PRKAR1A: variants seen among roughly 807,000 people sequenced by gnomAD.
PRKAR1A encodes protein kinase cAMP-dependent type I regulatory subunit alpha, also known as cAMP-dependent protein kinase type I-alpha regulatory subunit.
PRKAR1A carries 3 observed loss-of-function variants against 52.0 expected under a neutral mutation model. The ratio of observed to expected loss-of-function variants is 0.06; its 90% CI spans 0.03 to 0.15. PRKAR1A has a LOEUF of 0.15. Ranked by LOEUF, PRKAR1A falls within the 10% of genes least tolerant of loss-of-function variation. The probability of loss-of-function intolerance (pLI) is 1.00; values close to 1 mark genes in which losing one functional copy is unlikely to be tolerated. For missense variants in PRKAR1A, 240 were observed against 477.4 expected, an observed-to-expected ratio of 0.50 and a Z score of 4.63; for synonymous variants, 188 against 168.4, an observed-to-expected ratio of 1.12 and a Z score of -0.90.
chr17:68,535,582 G>C (rs2086075404), downstream of PRKAR1A: 1 of 453,962 alleles, frequency 2.2e-6, no homozygotes, highest in Admixed American at 2.4e-5. Context: ...GAATGAAGTG[G>C]GGAGCCCTAT....
chr17:68,494,078 A>G, the PRKAR1A span, among the ~76,000 whole-genome samples: 1 of 152,198 alleles, frequency 6.6e-6, no homozygotes, highest in Non-Finnish European at 1.5e-5. Context: ...GTATTTTTCT[A>G]TATTGAAAAT....
chr17:68,475,630 A>AT, the PRKAR1A span, among the ~76,000 whole-genome samples: 1 of 151,918 alleles, frequency 6.6e-6, no homozygotes, highest in African/African-American at 2.4e-5. Context: ...CGCCTGGCTA[A>AT]TTTTTGTATT....
chr17:68,474,903 A>G, the PRKAR1A span, among the ~76,000 whole-genome samples: 1 of 152,156 alleles, frequency 6.6e-6, no homozygotes, highest in Non-Finnish European at 1.5e-5. Context: ...AGATAAATAA[A>G]TCACAATCAA....
At position 68,531,677 on chromosome 17, in the gene PRKAR1A, C is replaced by G; in HGVS notation, c.*1228C>G. The G allele has an allele frequency of 9.4e-7, 1 of 1,065,642 alleles. No homozygotes were observed. The highest frequency in any genetic ancestry group is 1.1e-6 in the Non-Finnish European group (1 of 879,030). 66.0% of individuals were successfully genotyped at this position (1,065,642 alleles called of 1,614,324 possible). On this transcript the variant is annotated 3_prime_UTR_variant, in exon 11 of 11. Coordinates refer to ENST00000589228, the MANE Select transcript of PRKAR1A (RefSeq NM_002734.5). ...CTATCCTGCTGAAAGTCCTGCTTTC[C>G]TATCTAGCATTTATTTCTCTGGCAA...
intron 9 of PRKAR1A, among the ~76,000 whole-genome samples, chr17:68,529,559 C>G (rs55927001): frequency 6.6e-6 from 1 of 152,128 alleles, no homozygotes; most frequent in Admixed American, 6.5e-5. Flanking sequence ...GGGTTTCATT[C>G]GCAAAGTCTC....
downstream of PRKAR1A, chr17:68,535,350 A>C: frequency 2.2e-6 from 1 of 454,162 alleles, no homozygotes; most frequent in Non-Finnish European, 4.4e-6. Context: ...AGAGTGCAGC[A>C]AAATGTGTAT....
At chr17:68,501,305 C>A in the PRKAR1A span, among the ~76,000 whole-genome samples, 1 of 152,218 alleles carries the variant, frequency 6.6e-6, no homozygotes, top group Non-Finnish European at 1.5e-5. Flanking sequence ...CCCTTCCTCC[C>A]TTTAACCTCT....
At chr17:68,451,874 G>A in the PRKAR1A span, among the ~76,000 whole-genome samples, 3 of 152,168 alleles carry the variant, frequency 2.0e-5, no homozygotes, top group African/African-American at 7.2e-5. Context: ...GTATCTTTCT[G>A]AGCACATTCT....
chr17:68,493,318 A>G, the PRKAR1A span, among the ~76,000 whole-genome samples: 147 of 152,304 alleles, frequency 9.7e-4, no homozygotes, highest in African/African-American at 3.4e-3. Context: ...AAAGCTTTAG[A>G]GCAGGAACAA....
intron 11 of PRKAR1A, among the ~76,000 whole-genome samples, chr17:68,549,195 A>G (rs1012542364): frequency 2.6e-5 from 4 of 152,156 alleles, no homozygotes; most frequent in Non-Finnish European, 4.4e-5. Flanking sequence ...TTCCAGTTTT[A>G]AAAAATGAAA....
the PRKAR1A span, among the ~76,000 whole-genome samples, chr17:68,446,386 G>A: frequency 3.9e-5 from 6 of 152,114 alleles, no homozygotes; most frequent in African/African-American, 9.6e-5. Flanking sequence ...GTTTCACTAT[G>A]TTGTCCAGGT....
In PRKAR1A at chr17:68,524,901, C is replaced by T. The variant is rs771426351; in HGVS notation, c.503-11C>T. The T allele has an allele frequency of 6.2e-7, 1 of 1,600,208 alleles. No individual in the cohort carries two copies. Among genetic ancestry groups the T allele is most frequent in the South Asian group, 1.1e-5 (1 of 90,738 alleles). ...TTGGAATATGCTTCTAACTTTTTTA[C>T]CCTCTTTTAGGTGATGAAGGGGATA... On this transcript the variant is annotated splice_polypyrimidine_tract_variant and intron_variant, in intron 5 of 10. Transcript: ENST00000589228.
At chr17:68,546,747 G>A (rs531534531) in intron 11 of PRKAR1A, among the ~76,000 whole-genome samples, 5 of 150,994 alleles carry the variant, frequency 3.3e-5, no homozygotes, top group Non-Finnish European at 4.4e-5. Flanking sequence ...GGAGAATGGC[G>A]TGAACCCGGG....
the PRKAR1A span, among the ~76,000 whole-genome samples, chr17:68,458,089 C>T: frequency 6.6e-6 from 1 of 152,138 alleles, no homozygotes; most frequent in Non-Finnish European, 1.5e-5. Flanking sequence ...TTTGTCGAGT[C>T]CTCAAGCCGC....
chr17:68,508,728 A>G (rs1237863828), upstream of PRKAR1A, among the ~76,000 whole-genome samples: 1 of 152,210 alleles, frequency 6.6e-6, no homozygotes, highest in Admixed American at 6.5e-5. Flanking sequence ...TTTTAGATTA[A>G]GATATTTTTA....
At chr17:68,436,908 C>T in the PRKAR1A span, among the ~76,000 whole-genome samples, 4 of 151,740 alleles carry the variant, frequency 2.6e-5, no homozygotes, top group African/African-American at 9.7e-5. Flanking sequence ...GCAGGAGAAT[C>T]GCTTGAACCC....
the PRKAR1A span, among the ~76,000 whole-genome samples, chr17:68,466,241 T>C: frequency 1.3e-5 from 2 of 152,142 alleles, no homozygotes; most frequent in African/African-American, 4.8e-5. Context: ...GGACCTGCCC[T>C]TTTAGGCTTT....
Position 68,531,483 on chromosome 17 carries a change from G to A in PRKAR1A, c.*1034G>A, listed in dbSNP as rs555727186. 40 of 1,066,310 alleles carry A rather than the reference G, an allele frequency of 3.8e-5. No homozygotes were observed. The African/African-American group carries it at 6.2e-4, about 17-fold the overall frequency. The allele number at this position is 1,066,310 out of a possible 1,614,324, so 66.1% of individuals were successfully genotyped here. ...AAGGGAGAAATGCCAGGCGGACAAA[G>A]TTCAGTGTCGGGAATTTTCCCCGTG... On this transcript the variant is annotated 3_prime_UTR_variant, in exon 11 of 11. Coordinates refer to ENST00000589228, the MANE Select transcript of PRKAR1A (RefSeq NM_002734.5).
intron 11 of PRKAR1A, among the ~76,000 whole-genome samples, chr17:68,538,594 T>G (rs2086163897): frequency 6.6e-6 from 1 of 152,254 alleles, no homozygotes. Context: ...AGCAAGGGCC[T>G]TCGTGCCTTC....
Sources: gnomAD v4.1 joint callset for allele counts (sites outside exome capture counted in the v4.1 genomes callset) on GRCh38, gnomAD v4.1.1 for gene constraint, MANE v1.5 for transcripts, NCBI Gene and HGNC (gene_info 2026-07-23, HGNC 2026-07-21) for gene names.